Variants in WDPCP observed in about 807,000 individuals in gnomAD.
WDPCP encodes the protein WD repeat containing planar cell polarity effector.
A neutral mutation model predicts 93.1 loss-of-function variants in WDPCP; 71 were observed. The ratio of observed to expected loss-of-function variants is 0.76; its 90% CI spans 0.63 to 0.93. WDPCP has a LOEUF of 0.93. Ranked by LOEUF, WDPCP falls within the 40% of genes least tolerant of loss-of-function variation. The pLI is 0.00. For missense variants in WDPCP, 844 were observed against 887.4 expected (o/e 0.95, Z 0.62); for synonymous variants, 315 against 315.0 (o/e 1.00, Z 0.00).
At chr2:63,584,881 T>G (rs900950328) in intron 1 of WDPCP, among the ~76,000 whole-genome samples, 1 of 152,322 alleles carries the variant, frequency 6.6e-6, no homozygotes, top group African/African-American at 2.4e-5. Context: ...CTCATACTTC[T>G]GGAAACATGT....
intron 10 of WDPCP, among the ~76,000 whole-genome samples, chr2:63,399,230 T>C (rs762077692): frequency 6.6e-6 from 1 of 152,164 alleles, no homozygotes; most frequent in African/African-American, 2.4e-5. Flanking sequence ...CCTTTTCATT[T>C]GAATGCTTGA....
At chr2:63,321,455 A>T (rs974052415) in intron 12 of WDPCP, among the ~76,000 whole-genome samples, 1 of 150,164 alleles carries the variant, frequency 6.7e-6, no homozygotes, top group Non-Finnish European at 1.5e-5. Context: ...CCTTATTGTT[A>T]CTTTGCTGAT....
intron 1 of WDPCP, among the ~76,000 whole-genome samples, chr2:63,575,357 T>TACAGTATATACTGTATATGGTATAG (rs1707861756): frequency 9.3e-6 from 1 of 107,892 alleles, no homozygotes; most frequent in Admixed American, 8.9e-5. Flanking sequence ...ATATGGTATA[T>TACAGTATATACTGTATATGGTATAG]ACAGTATATA....
chr2:63,281,326 T>A (rs944447526), intron 13 of WDPCP, among the ~76,000 whole-genome samples: 2 of 152,038 alleles, frequency 1.3e-5, no homozygotes, highest in South Asian at 4.1e-4. Flanking sequence ...AAGAATTTTT[T>A]AAAAAAATGT....
At chr2:63,560,972 A>C (rs920182515) in intron 1 of WDPCP, among the ~76,000 whole-genome samples, 1 of 152,244 alleles carries the variant, frequency 6.6e-6, no homozygotes, top group African/African-American at 2.4e-5. Context: ...CCTAGAACTT[A>C]AAGTATAATA....
chr2:63,521,147 C>A (rs1207167896), intron 1 of WDPCP, among the ~76,000 whole-genome samples: 1 of 152,144 alleles, frequency 6.6e-6, no homozygotes, highest in Non-Finnish European at 1.5e-5. Flanking sequence ...AAGGCAACCA[C>A]ACCAACAAAT....
intron 14 of WDPCP, among the ~76,000 whole-genome samples, chr2:63,199,080 G>A (rs1034714896): frequency 1.3e-5 from 2 of 152,162 alleles, no homozygotes; most frequent in Non-Finnish European, 2.9e-5. Context: ...ATGATTTAGG[G>A]TATATGGTGG....
At chr2:63,522,447 G>GACACACAC (rs1190142205) in intron 1 of WDPCP, among the ~76,000 whole-genome samples, 2 of 96,656 alleles carry the variant, frequency 2.1e-5, no homozygotes, top group African/African-American at 7.6e-5. Context: ...AAGACAGACA[G>GACACACAC]ACAGACAGAC....
chr2:63,399,471 T>C (rs577645384), intron 10 of WDPCP, among the ~76,000 whole-genome samples: 141 of 151,974 alleles, frequency 9.3e-4, no homozygotes, highest in African/African-American at 3.4e-3. Context: ...TGCAAAGCTG[T>C]TGTGAGTAGG....
intron 17 of WDPCP, among the ~76,000 whole-genome samples, chr2:63,127,125 T>C (rs1669965475): frequency 6.7e-6 from 1 of 148,258 alleles, no homozygotes; most frequent in Non-Finnish European, 1.5e-5. Context: ...ATTTAACTTT[T>C]TTTTTTTTTT....
intron 1 of WDPCP, among the ~76,000 whole-genome samples, chr2:63,583,757 C>A (rs1460615678): frequency 6.6e-6 from 1 of 151,452 alleles, no homozygotes; most frequent in Non-Finnish European, 1.5e-5. Context: ...TGACTGTATT[C>A]TCTCTCAAAT....
chr2:63,515,163 A>G (rs925906683), intron 1 of WDPCP, among the ~76,000 whole-genome samples: 61 of 152,280 alleles, frequency 4.0e-4, no homozygotes, highest in Non-Finnish European at 1.9e-4. Flanking sequence ...ATATATTTAT[A>G]AATTAAAAGC....
At chr2:63,526,271 C>A (rs983751490) in intron 1 of WDPCP, among the ~76,000 whole-genome samples, 4 of 152,142 alleles carry the variant, frequency 2.6e-5, no homozygotes, top group Non-Finnish European at 5.9e-5. Flanking sequence ...TGTTTTCCAG[C>A]CTTCTGCTTC....
chr2:63,810,724 G>A (rs1670851691), intron 2 of WDPCP, among the ~76,000 whole-genome samples: 1 of 152,192 alleles, frequency 6.6e-6, no homozygotes, highest in African/African-American at 2.4e-5. Flanking sequence ...TGTAGCAATA[G>A]GGAAGCAAGC....
intron 1 of WDPCP, among the ~76,000 whole-genome samples, chr2:63,817,921 C>T (rs1425394242): frequency 6.6e-6 from 1 of 152,178 alleles, no homozygotes; most frequent in Non-Finnish European, 1.5e-5. Flanking sequence ...GTGAGATTTT[C>T]AGCTAAATAT....
Position 63,492,856 on chromosome 2 carries a change from C to T in WDPCP, c.160G>A (p.Asp54Asn), listed in dbSNP as rs200322968. ...WSLKNTLHIA[D>N]RDIGIYQYYD... ...TGAAATTAATCCAGAGCTCATTTACCCGCAATGTGTAAGGTATTCTTCAAA... is the reference window on the plus strand; with the variant it reads ...TGAAATTAATCCAGAGCTCATTTACTCGCAATGTGTAAGGTATTCTTCAAA... Residue 54 changes from aspartate to asparagine, a missense_variant and splice_region_variant, in exon 2 of 18, where the codon GAT becomes AAT. By Grantham distance (23) the Asp-to-Asn change is conservative. Coordinates refer to ENST00000272321, the MANE Select transcript of WDPCP (RefSeq NM_015910.7). 2.3e-4 allele frequency: 377 copies of T among 1,612,850 alleles called. No homozygotes were observed. The highest frequency in any genetic ancestry group is 2.9e-4 in the Non-Finnish European group (347 of 1,179,510).
chr2:63,834,763 C>T, the WDPCP span, among the ~76,000 whole-genome samples: 34 of 152,318 alleles, frequency 2.2e-4, no homozygotes, highest in African/African-American at 8.2e-4. Context: ...TAATGGAACA[C>T]CTACCTCCTT....
intron 14 of WDPCP, among the ~76,000 whole-genome samples, chr2:63,230,646 G>T (rs1260387634): frequency 6.6e-6 from 1 of 152,074 alleles, no homozygotes; most frequent in Non-Finnish European, 1.5e-5. Flanking sequence ...GTGTGAGATG[G>T]TATCTCATTG....
At chr2:63,654,168 A>G (rs536922081) in intron 2 of WDPCP, among the ~76,000 whole-genome samples, 1 of 152,362 alleles carries the variant, frequency 6.6e-6, no homozygotes, top group African/African-American at 2.4e-5. Flanking sequence ...GATGAAAAAT[A>G]AAATATCTGA....
Sources: gnomAD v4.1 joint callset for allele counts (sites outside exome capture counted in the v4.1 genomes callset) on GRCh38, gnomAD v4.1.1 for gene constraint, MANE v1.5 for transcripts, NCBI Gene and HGNC (gene_info 2026-07-23, HGNC 2026-07-21) for gene names.